The following SBF1 variants were observed in gnomAD, a reference collection of about 807,000 sequenced individuals.
SBF1 encodes SET binding factor 1.
A neutral mutation model predicts 215.8 loss-of-function variants in SBF1; 65 were observed. The observed-to-expected ratio is 0.30, with a 90% CI of 0.25 to 0.37. The LOEUF (loss-of-function observed/expected upper bound fraction) is 0.37. SBF1 is among the 10% of genes least tolerant of loss of function. The pLI is 1.00. For synonymous variants in SBF1, 1,410 were observed against 1,122.8 expected (o/e 1.26, Z -5.11); for missense variants, 2,634 against 2,667.8 (o/e 0.99, Z 0.28).
intron 36 of SBF1, among the ~76,000 whole-genome samples, chr22:50,452,958 A>C (rs1228305850): frequency 1.3e-5 from 2 of 151,860 alleles, no homozygotes; most frequent in African/African-American, 4.8e-5. Flanking sequence ...GAATACTAAA[A>C]ACACTTGTTT....
At position 50,455,597 on chromosome 22, in the gene SBF1, G is replaced by C; in HGVS notation, c.4267-15C>G. 1 of 1,558,124 alleles carries C rather than the reference G, an allele frequency of 6.4e-7. No homozygotes were observed. Among genetic ancestry groups the C allele is most frequent in the Non-Finnish European group, 8.7e-7 (1 of 1,150,734 alleles). ...AGCTTGTGGATCTGCAGGGACAGGC[G>C]GCCTCAGCACCTCGGGGACCCACCG... On this transcript the variant is annotated splice_polypyrimidine_tract_variant and intron_variant, in intron 31 of 40. Transcript: ENST00000380817.
intron 36 of SBF1, among the ~76,000 whole-genome samples, chr22:50,449,654 A>ACACC (rs1556417463): frequency 2.7e-5 from 4 of 148,870 alleles, no homozygotes; most frequent in Non-Finnish European, 6.0e-5. Flanking sequence ...ACACACACAC[A>ACACC]CACCCCAAAA....
Position 50,456,475 on chromosome 22 carries a change from C to A in SBF1, c.4086+17G>T. ...CGAGCCCCCACCCTCACCCCCCACC[C>A]CCCGCACCCCAGTCACCTTGAGCTG... On this transcript the variant is annotated intron_variant, in intron 30 of 40. Coordinates refer to ENST00000380817, the MANE Select transcript of SBF1 (RefSeq NM_002972.4). The A allele has an allele frequency of 6.6e-7, 1 of 1,515,818 alleles. No individual in the cohort carries two copies. Among genetic ancestry groups the A allele is most frequent in the South Asian group, 1.3e-5 (1 of 79,674 alleles). 93.9% of individuals were successfully genotyped at this position (1,515,818 alleles called of 1,614,324 possible). A position where few individuals can be genotyped will look rare whatever the true frequency, so the allele number is the denominator to read the frequency against.
At chr22:50,458,025 C>T (rs1488379829) in intron 28 of SBF1, among the ~76,000 whole-genome samples, 4 of 152,168 alleles carry the variant, frequency 2.6e-5, no homozygotes, top group South Asian at 2.1e-4. Flanking sequence ...GCTGGCCAGG[C>T]GCAGTGGCTC....
intron 31 of SBF1, 148 bp from the exon 32 acceptor site, chr22:50,455,730 G>A (rs975189444): frequency 2.7e-5 from 18 of 668,682 alleles, no homozygotes; most frequent in African/African-American, 5.4e-5. Flanking sequence ...CAGAGCACTG[G>A]ACAAACACAG....
At chr22:50,453,712 G>A (rs182149873) in intron 36 of SBF1, among the ~76,000 whole-genome samples, 13 of 152,242 alleles carry the variant, frequency 8.5e-5, no homozygotes, top group Non-Finnish European at 1.2e-4. Flanking sequence ...GTGTGAACCC[G>A]GGAGACGGAG....
At chr22:50,449,597 A>G (rs1185386699) in intron 36 of SBF1, among the ~76,000 whole-genome samples, 2 of 149,970 alleles carry the variant, frequency 1.3e-5, no homozygotes, top group Non-Finnish European at 1.5e-5. Flanking sequence ...CCTGGGCGGC[A>G]AAGTGAGATT....
At chr22:50,458,056 T>G (rs2067328161) in intron 28 of SBF1, among the ~76,000 whole-genome samples, 1 of 152,004 alleles carries the variant, frequency 6.6e-6, no homozygotes. Flanking sequence ...TCCCAGCACT[T>G]TGGGAGGCCG....
At position 50,456,936 on chromosome 22, in the gene SBF1, G is replaced by A. The variant is rs533024794; in HGVS notation, c.3904+98C>T. 4.5e-4 allele frequency: 470 copies of A among 1,047,366 alleles called. 3 individuals are homozygous for A. In the African/African-American group the frequency reaches 6.8e-3, roughly 15 times the overall value. 64.9% of individuals were successfully genotyped at this position (1,047,366 alleles called of 1,614,324 possible). On this transcript the variant is annotated intron_variant, in intron 29 of 40. Transcript: ENST00000380817. ...GGGAGACGGGTCGTTAGTGTCAGGT[G>A]TGGAGGGAGACATTAGTGCCCGCAA...
chr22:50,465,704 C>T, intron 10 of SBF1, 59 bp downstream of exon 10: 1 of 1,484,586 alleles, frequency 6.7e-7, no homozygotes, highest in Non-Finnish European at 9.1e-7. Flanking sequence ...GGCAGCAGAC[C>T]TGAGTGGGGG....
At chr22:50,466,980 C>T (rs1317156702) in intron 5 of SBF1, 2 of 560,474 alleles carry the variant, frequency 3.6e-6, no homozygotes, top group African/African-American at 3.8e-5. Context: ...ATCCATACCG[C>T]TCCTTCCTCA....
At position 50,462,573 on chromosome 22, in the gene SBF1, G is replaced by A. The variant is rs774238923; in HGVS notation, c.2113C>T (p.Leu705=). The A allele has an allele frequency of 5.6e-6, 9 of 1,611,714 alleles. No homozygotes were observed. Among genetic ancestry groups the A allele is most frequent in the Middle Eastern group, 1.6e-4 (1 of 6,068 alleles). Residue 705 remains leucine (L), a synonymous_variant, in exon 18 of 41, where the codon CTG becomes TTG. Coordinates refer to ENST00000380817, the MANE Select transcript of SBF1 (RefSeq NM_002972.4). ...RALYLEPTED[L]APAQEVGEAP... ...TCCCTGCGCACCTGGGCGGGGGCCAGGTCCTCCGTGGGCTCCAGGTAGAGG... is the reference window on the plus strand; with the variant it reads ...TCCCTGCGCACCTGGGCGGGGGCCAAGTCCTCCGTGGGCTCCAGGTAGAGG...
intron 36 of SBF1, among the ~76,000 whole-genome samples, chr22:50,448,982 G>A (rs1430790683): frequency 1.3e-5 from 2 of 150,578 alleles, no homozygotes; most frequent in Non-Finnish European, 3.0e-5. Context: ...CCGATCACCT[G>A]AGGTCAGGAG....
In SBF1 at chr22:50,455,537, C is replaced by T. The variant is rs377649804; in HGVS notation, c.4312G>A (p.Asp1438Asn). 40 of 1,596,976 alleles carry T rather than the reference C, an allele frequency of 2.5e-5. No homozygotes were observed. Among genetic ancestry groups the T allele is most frequent in the Non-Finnish European group, 3.2e-5 (38 of 1,172,170 alleles). ...CCCACCAGCACGGAGGAGCCTGAAT[C>T]CAGGAGCTCCACCACCAGCACAGAC... Reference protein sequence around the residue: ...QVSVLVVELLDSGSSVLVGLE... With the variant: ...QVSVLVVELLNSGSSVLVGLE... Residue 1438 changes from aspartate (D) to asparagine (N), a missense_variant, in exon 32 of 41, where the codon GAT becomes AAT. Physicochemically the swap from Asp to Asn is conservative, Grantham distance 23. Coordinates refer to ENST00000380817, the MANE Select transcript of SBF1 (RefSeq NM_002972.4).
Position 50,446,554 on chromosome 22 carries a change from C to A in SBF1, c.*588G>T, listed in dbSNP as rs999334552. Reference sequence around the variant, plus strand: ...ATGGGGGCTTCCTCTCCAGCCGTGCCGGCCCCTAGACCAGCCCTGAGGCGT... The same window carrying A: ...ATGGGGGCTTCCTCTCCAGCCGTGCAGGCCCCTAGACCAGCCCTGAGGCGT... On this transcript the variant is annotated 3_prime_UTR_variant, in exon 41 of 41. Transcript: ENST00000380817. 3 of 276,094 alleles carry A rather than the reference C, an allele frequency of 1.1e-5. No individual in the cohort carries two copies. The highest frequency in any genetic ancestry group is 1.4e-5 in the Non-Finnish European group (2 of 138,018). 17.1% of individuals were successfully genotyped at this position (276,094 alleles called of 1,614,324 possible).
At chr22:50,449,328 A>T (rs937777435) in intron 36 of SBF1, among the ~76,000 whole-genome samples, 56 of 151,900 alleles carry the variant, frequency 3.7e-4, no homozygotes, top group African/African-American at 1.3e-3. Context: ...CAAGAGAGTG[A>T]TTTTAGGGCC....
intron 31 of SBF1, 196 bp from the exon 32 acceptor site, chr22:50,455,778 T>C: frequency 1.6e-6 from 1 of 609,928 alleles, no homozygotes; most frequent in East Asian, 2.8e-5. Context: ...TCCAGCCTGC[T>C]GGTCACAGCC....
chr22:50,473,678 G>A (rs1376241738), intron 1 of SBF1, among the ~76,000 whole-genome samples: 5 of 152,146 alleles, frequency 3.3e-5, no homozygotes, highest in South Asian at 2.1e-4. Flanking sequence ...GGTCCTTGGT[G>A]GGGACAGTGA....
chr22:50,466,728 T>C lies in SBF1; in HGVS notation c.550-18A>G, dbSNP rs1469642021. The C allele has an allele frequency of 1.1e-5, 17 of 1,499,012 alleles. No individual in the cohort carries two copies. The highest frequency in any genetic ancestry group is 1.5e-5 in the Non-Finnish European group (17 of 1,112,946). The allele number at this position is 1,499,012 out of a possible 1,614,324, so 92.9% of individuals were successfully genotyped here. A position where few individuals can be genotyped will look rare whatever the true frequency, so the allele number is the denominator to read the frequency against. ...ATCGTCCTCTGCAGCAAAAAAAGGA[T>C]CGGGGCTCAGTAGTTTGGCCAGAGC... On this transcript the variant is annotated intron_variant, in intron 5 of 40. Transcript: ENST00000380817.
Sources: allele counts gnomAD v4.1 joint callset (sites outside exome capture counted in the v4.1 genomes callset), GRCh38; gene constraint gnomAD v4.1.1; transcripts MANE v1.5; gene names NCBI Gene and HGNC (gene_info 2026-07-23, HGNC 2026-07-21).